Variants in DNM3 observed in about 807,000 individuals in gnomAD.
DNM3 encodes dynamin 3, also known as dynamin-3.
A neutral mutation model predicts 101.6 loss-of-function variants in DNM3; 47 were observed. The ratio of observed to expected loss-of-function variants is 0.46; its 90% CI spans 0.37 to 0.59. The LOEUF is 0.59. Among genes scored for constraint, DNM3 ranks in the 20% least tolerant of loss-of-function variants. The probability of loss-of-function intolerance (pLI) is 0.00; values close to 1 mark genes in which losing one functional copy is unlikely to be tolerated. For synonymous variants in DNM3, 385 were observed against 387.9 expected (o/e 0.99, Z 0.09); for missense variants, 849 against 1,085.7 (o/e 0.78, Z 3.06).
chr1:172,111,705 T>C (rs562490175), intron 13 of DNM3, among the ~76,000 whole-genome samples: 1 of 152,238 alleles, frequency 6.6e-6, no homozygotes, highest in East Asian at 1.9e-4. Context: ...CAAGGTGATG[T>C]AAGTGCTAAA....
intron 18 of DNM3, among the ~76,000 whole-genome samples, chr1:172,382,294 C>A (rs2068952460): frequency 6.6e-6 from 1 of 152,138 alleles, no homozygotes; most frequent in South Asian, 2.1e-4. Context: ...CATAACACCC[C>A]ATGGTAAGCC....
In DNM3 at chr1:172,096,042, A is replaced by T. The variant is rs953744579; in HGVS notation, c.1545+3167A>T. Among the ~76,000 whole-genome samples the T allele has an allele frequency of 2.0e-5, 3 of 152,112 alleles. No homozygotes were observed. In the East Asian group the frequency reaches 5.8e-4, roughly 29 times the overall value. On this transcript the variant is annotated intron_variant, in intron 13 of 20. Transcript: ENST00000627582. ...TCAGGAAGCCCACAGCTCAGCGGGG[A>T]TGATGGTAAGTAAGCAAACTGAAGT...
intron 2 of DNM3, among the ~76,000 whole-genome samples, chr1:171,954,745 A>G (rs954059845): frequency 2.0e-5 from 3 of 152,222 alleles, no homozygotes; most frequent in Non-Finnish European, 4.4e-5. Flanking sequence ...AAACACCACC[A>G]GGAGATGGAG....
At chr1:171,898,501 T>A (rs1047008009) in intron 1 of DNM3, among the ~76,000 whole-genome samples, 1 of 152,272 alleles carries the variant, frequency 6.6e-6, no homozygotes, top group South Asian at 2.1e-4. Context: ...TTTTAAAACC[T>A]ATTTTTTCTT....
At chr1:172,037,253 C>G (rs2049038591) in intron 6 of DNM3, among the ~76,000 whole-genome samples, 1 of 152,142 alleles carries the variant, frequency 6.6e-6, no homozygotes, top group African/African-American at 2.4e-5. Context: ...GGATCTAGAA[C>G]TAGAAATACC....
chr1:172,357,138 A>C (rs2067493476), intron 17 of DNM3, among the ~76,000 whole-genome samples: 1 of 152,096 alleles, frequency 6.6e-6, no homozygotes, highest in Non-Finnish European at 1.5e-5. Context: ...TTAGAAGAGA[A>C]GATCAAAATT....
At chr1:172,075,072 A>G (rs2052533530) in intron 11 of DNM3, among the ~76,000 whole-genome samples, 2 of 152,238 alleles carry the variant, frequency 1.3e-5, no homozygotes, top group South Asian at 4.1e-4. Context: ...ATGACCAGTG[A>G]TGATGAGCTT....
intron 1 of DNM3, among the ~76,000 whole-genome samples, chr1:171,904,561 A>G (rs1394033899): frequency 1.3e-5 from 2 of 152,200 alleles, no homozygotes; most frequent in Non-Finnish European, 2.9e-5. Context: ...AATGCTGTTG[A>G]AAGATATTAG....
chr1:172,361,035 A>G (rs1489848700), intron 17 of DNM3, among the ~76,000 whole-genome samples: 1 of 152,018 alleles, frequency 6.6e-6, no homozygotes, highest in African/African-American at 2.4e-5. Flanking sequence ...TTACAACAGA[A>G]GTCAGAGAAC....
intron 14 of DNM3, among the ~76,000 whole-genome samples, chr1:172,172,886 C>T (rs756898938): frequency 6.6e-6 from 1 of 151,824 alleles, no homozygotes; most frequent in Non-Finnish European, 1.5e-5. Flanking sequence ...GAAGAGTATA[C>T]ACTCATTTCC....
At chr1:172,005,609 C>G (rs1274611987) in intron 4 of DNM3, among the ~76,000 whole-genome samples, 2 of 152,032 alleles carry the variant, frequency 1.3e-5, no homozygotes, top group African/African-American at 4.8e-5. Context: ...TTTCAAAAAG[C>G]AGCCGTGTTA....
In DNM3 at chr1:172,387,250, T is replaced by C. The variant is rs758905235; in HGVS notation, c.2176T>C (p.Tyr726His). 3 of 1,613,984 alleles carry C rather than the reference T, an allele frequency of 1.9e-6. No homozygotes were observed. The South Asian group carries it at 3.3e-5, about 18-fold the overall frequency. The change falls in exon 19 of 21, where the codon TAT (tyrosine) becomes CAT (histidine). Residue 726 changes from tyrosine to histidine, a missense_variant. Around this residue, in one of 5 missense-constraint regions of DNM3, gnomAD observed 256 missense variants for 311.7 expected, o/e 0.82. Coordinates refer to ENST00000627582, the MANE Select transcript of DNM3 (RefSeq NM_015569.5). ...AQRRDEMLRMYQALKEALGII... is the reference protein window; with the variant it reads ...AQRRDEMLRMHQALKEALGII... ...GCGCCGGGATGAGATGCTTCGAATG[T>C]ATCAAGCACTGAAAGAAGCCCTTGG...
intron 1 of DNM3, among the ~76,000 whole-genome samples, chr1:171,918,462 C>T (rs910136713): frequency 6.6e-6 from 1 of 152,176 alleles, no homozygotes; most frequent in Admixed American, 6.5e-5. Context: ...TTTCATTTTG[C>T]TGGACCATCA....
At chr1:171,995,388 A>G (rs1486635164) in intron 4 of DNM3, among the ~76,000 whole-genome samples, 1 of 151,528 alleles carries the variant, frequency 6.6e-6, no homozygotes, top group Admixed American at 6.6e-5. Context: ...TACAGGTGTG[A>G]GCCACTGTGC....
chr1:172,230,417 TA>T (rs2061290612), intron 14 of DNM3, among the ~76,000 whole-genome samples: 1 of 152,174 alleles, frequency 6.6e-6, no homozygotes, highest in Non-Finnish European at 1.5e-5. Flanking sequence ...GTATGTTTTG[TA>T]AAAGTTTGCA....
At chr1:172,152,556 A>G (rs1182254594) in intron 14 of DNM3, among the ~76,000 whole-genome samples, 2 of 152,112 alleles carry the variant, frequency 1.3e-5, no homozygotes, top group Middle Eastern at 3.2e-3. Context: ...TAACTATTTT[A>G]TTATTATTTA....
intron 2 of DNM3, among the ~76,000 whole-genome samples, chr1:171,935,875 A>G (rs532268403): frequency 7.9e-6 from 1 of 127,226 alleles, no homozygotes; most frequent in African/African-American, 3.0e-5. Flanking sequence ...CTTACTGTTT[A>G]CTGGTTAAGC....
intron 4 of DNM3, 37 bp downstream of exon 4, chr1:171,989,185 G>A (rs2045474211): frequency 1.3e-5 from 20 of 1,581,924 alleles, no homozygotes; most frequent in Non-Finnish European, 1.6e-5. Context: ...AGGAATTAAA[G>A]TGTCAGGAGT....
intron 8 of DNM3, among the ~76,000 whole-genome samples, chr1:172,043,183 G>A (rs1002842507): frequency 6.6e-6 from 1 of 152,080 alleles, no homozygotes; most frequent in African/African-American, 2.4e-5. Flanking sequence ...AAGTTGCTAG[G>A]GCTTCGATTG....
Sources: allele counts gnomAD v4.1 joint callset (sites outside exome capture counted in the v4.1 genomes callset), GRCh38; gene constraint gnomAD v4.1.1; regional missense constraint gnomAD v4.1.1; transcripts MANE v1.5; gene names NCBI Gene and HGNC (gene_info 2026-07-23, HGNC 2026-07-21).